Variants in SMPDL3B observed in about 807,000 individuals in gnomAD.
SMPDL3B encodes acid sphingomyelinase-like phosphodiesterase 3b.
SMPDL3B carries 31 observed loss-of-function variants against 37.9 expected under a neutral mutation model. The observed-to-expected ratio is 0.82, with a 90% CI of 0.61 to 1.10. The LOEUF (loss-of-function observed/expected upper bound fraction) is 1.10, where lower values mean the gene tolerates loss of function less well. Ranked by LOEUF, SMPDL3B falls within the 50% of genes least tolerant of loss-of-function variation. The pLI, the probability that SMPDL3B is intolerant of heterozygous loss-of-function variation, is 0.00. For synonymous variants in SMPDL3B, 235 were observed against 242.6 expected (o/e 0.97, Z 0.29); for missense variants, 525 against 597.8 (o/e 0.88, Z 1.27).
At chr1:27,955,361 T>C (rs1054392687) in intron 5 of SMPDL3B, among the ~76,000 whole-genome samples, 7 of 152,204 alleles carry the variant, frequency 4.6e-5, no homozygotes, top group Non-Finnish European at 8.8e-5. Flanking sequence ...CGTTGCAGTG[T>C]TCAAGCTCTC....
At chr1:27,956,464 G>T (rs1428991862) in intron 7 of SMPDL3B, 1 of 1,240,024 alleles carries the variant, frequency 8.1e-7, no homozygotes, top group Admixed American at 3.9e-5. Context: ...ATAAAGTTGT[G>T]TCTCCTTGAC....
chr1:27,939,767 C>G (rs112443166), intron 1 of SMPDL3B, among the ~76,000 whole-genome samples: 6,591 of 152,084 alleles, frequency 0.043, 461 homozygotes, highest in African/African-American at 0.15. Context: ...GCTGCAGTGA[C>G]CCAGGATCAC....
intron 1 of SMPDL3B, among the ~76,000 whole-genome samples, chr1:27,940,388 G>A (rs991413317): frequency 1.3e-5 from 2 of 152,176 alleles, no homozygotes; most frequent in Non-Finnish European, 2.9e-5. Context: ...GGTGAGAGGG[G>A]GCCTTGTAGA....
chr1:27,955,739 C>G lies in SMPDL3B; in HGVS notation c.746C>G (p.Ala249Gly). Reference protein sequence around the residue: ...PGFFEKTQNKAWFREGFNEKY... With the variant: ...PGFFEKTQNKGWFREGFNEKY... ...TTCTTTGAGAAGACGCAAAACAAGG[C>G]ATGGTTCCGGGAGGGCTTCAATGAA... Residue 249 changes from alanine (A) to glycine (G), a missense_variant, in exon 6 of 8, where the codon GCA becomes GGA. Ala to Gly is a moderately conservative substitution (Grantham distance 60). Coordinates refer to ENST00000373894, the MANE Select transcript of SMPDL3B (RefSeq NM_014474.4). 1 of 1,614,126 alleles carries G rather than the reference C, an allele frequency of 6.2e-7. No individual in the cohort carries two copies. Among genetic ancestry groups the G allele is most frequent in the Non-Finnish European group, 8.5e-7 (1 of 1,180,016 alleles).
At chr1:27,947,653 G>GT (rs548126184) in intron 2 of SMPDL3B, among the ~76,000 whole-genome samples, 30,780 of 105,840 alleles carry the variant, frequency 0.29, 3,733 homozygotes, top group South Asian at 0.33. Context: ...GTGTTTTTTT[G>GT]TTTTTTTTTT....
In SMPDL3B at chr1:27,953,336, G is replaced by C; in HGVS notation, c.495G>C (p.Glu165Asp). The change falls in exon 4 of 8, where the codon GAG (glutamate) becomes GAC (aspartate). Residue 165 changes from glutamate (E) to aspartate (D), a missense_variant. Transcript: ENST00000373894. ...AELWKPWLSN[E>D]SIALFKKGAF... ...TATGGAAACCCTGGCTTAGTAATGA[G>C]TCCATCGCTCTCTTCAAAAAAGGTA... 3 of 1,613,316 alleles carry C rather than the reference G, an allele frequency of 1.9e-6. No homozygotes were observed. Among genetic ancestry groups the C allele is most frequent in the Middle Eastern group, 3.3e-4 (2 of 6,058 alleles).
At chr1:27,937,934 C>T (rs548697900) in intron 1 of SMPDL3B, among the ~76,000 whole-genome samples, 1 of 152,304 alleles carries the variant, frequency 6.6e-6, no homozygotes, top group South Asian at 2.1e-4. Context: ...GCAATGGCAA[C>T]ACCCAGGAGT....
At chr1:27,946,240 C>T (rs899975445) in intron 2 of SMPDL3B, among the ~76,000 whole-genome samples, 15 of 151,858 alleles carry the variant, frequency 9.9e-5, no homozygotes, top group African/African-American at 3.6e-4. Context: ...GTGGTTCCAG[C>T]TACTCGGGAG....
intron 5 of SMPDL3B, among the ~76,000 whole-genome samples, chr1:27,954,943 CA>C (rs2090487297): frequency 6.6e-6 from 1 of 152,226 alleles, no homozygotes; most frequent in Non-Finnish European, 1.5e-5. Flanking sequence ...CTCAGTGTCT[CA>C]TTTGCCCAAG....
At chr1:27,948,653 T>C (rs2090430147) in intron 2 of SMPDL3B, among the ~76,000 whole-genome samples, 3 of 152,220 alleles carry the variant, frequency 2.0e-5, no homozygotes, top group South Asian at 4.1e-4. Context: ...CTGAGCTCCC[T>C]CGGGGTTTGC....
chr1:27,936,268 A>G (rs541572796), intron 1 of SMPDL3B, among the ~76,000 whole-genome samples: 2 of 151,962 alleles, frequency 1.3e-5, no homozygotes, highest in East Asian at 3.9e-4. Context: ...CCTGGGCAAC[A>G]TAGCAAAACC....
chr1:27,935,260 T>G lies in SMPDL3B; in HGVS notation c.61+16T>G. The G allele has an allele frequency of 6.3e-7, 1 of 1,597,238 alleles. No homozygotes were observed. Among genetic ancestry groups the G allele is most frequent in the Non-Finnish European group, 8.6e-7 (1 of 1,164,820 alleles). On this transcript the variant is annotated intron_variant, in intron 1 of 7. Transcript: ENST00000373894. ...GCTGAACCAGGTACAGCACTGGGAA[T>G]GTCTGCTATGCCTTTGTTTTGTACT...
intron 1 of SMPDL3B, among the ~76,000 whole-genome samples, chr1:27,938,636 G>A (rs1248793612): frequency 1.3e-5 from 2 of 152,208 alleles, no homozygotes; most frequent in African/African-American, 2.4e-5. Context: ...CCTGACTTAC[G>A]AAGATTCCAC....
intron 1 of SMPDL3B, among the ~76,000 whole-genome samples, chr1:27,940,412 C>A (rs1449185341): frequency 6.7e-6 from 1 of 149,898 alleles, no homozygotes; most frequent in Non-Finnish European, 1.5e-5. Context: ...CCCCAGGAAC[C>A]AAATGTGGAG....
intron 2 of SMPDL3B, among the ~76,000 whole-genome samples, chr1:27,947,291 C>T (rs2090418091): frequency 6.6e-6 from 1 of 152,146 alleles, no homozygotes. Context: ...CCGCCTCAGC[C>T]TCCCAAAGTG....
intron 1 of SMPDL3B, among the ~76,000 whole-genome samples, chr1:27,938,559 A>C (rs1352956235): frequency 6.6e-6 from 1 of 152,238 alleles, no homozygotes; most frequent in Admixed American, 6.5e-5. Flanking sequence ...GATGGCCTTA[A>C]GTGAGATCAT....
At chr1:27,954,039 A>G (rs1196930754) in intron 4 of SMPDL3B, among the ~76,000 whole-genome samples, 4 of 152,268 alleles carry the variant, frequency 2.6e-5, no homozygotes, top group African/African-American at 9.6e-5. Flanking sequence ...ACAGCTGAGC[A>G]GTGAAGGGTC....
intron 1 of SMPDL3B, among the ~76,000 whole-genome samples, chr1:27,936,900 C>T (rs913147827): frequency 1.3e-5 from 2 of 151,926 alleles, no homozygotes; most frequent in African/African-American, 4.8e-5. Context: ...GAGCACCTGT[C>T]GTCCCAGCTA....
At chr1:27,943,775 G>A (rs2090379843) in intron 1 of SMPDL3B, among the ~76,000 whole-genome samples, 1 of 151,826 alleles carries the variant, frequency 6.6e-6, no homozygotes, top group Non-Finnish European at 1.5e-5. Context: ...GAGGCGGGCG[G>A]ATCACCTGAG....
Sources: allele counts gnomAD v4.1 joint callset (sites outside exome capture counted in the v4.1 genomes callset), GRCh38; gene constraint gnomAD v4.1.1; transcripts MANE v1.5; gene names NCBI Gene and HGNC (gene_info 2026-07-23, HGNC 2026-07-21).